The following ALX4 variants were observed in gnomAD, a reference collection of about 807,000 sequenced individuals.
ALX4 encodes ALX homeobox 4.
ALX4 carries 22 observed loss-of-function variants against 40.6 expected under a neutral mutation model. The observed-to-expected ratio is 0.54, with a 90% confidence interval of 0.39 to 0.77. The LOEUF (loss-of-function observed/expected upper bound fraction) is 0.77, where lower values mean the gene tolerates loss of function less well. Among genes scored for constraint, ALX4 ranks in the 30% least tolerant of loss-of-function variants. The pLI is 0.00. For missense variants in ALX4, 556 were observed against 564.8 expected, an observed-to-expected ratio of 0.98 and a Z score of 0.16; for synonymous variants, 266 against 240.5, an observed-to-expected ratio of 1.11 and a Z score of -0.98.
Position 44,309,772 on chromosome 11 carries a change from C to G in ALX4, c.291G>C (p.Pro97=). 6 of 1,545,902 alleles carry G rather than the reference C, an allele frequency of 3.9e-6. No individual in the cohort carries two copies. Among genetic ancestry groups the G allele is most frequent in the Non-Finnish European group, 4.4e-6 (5 of 1,144,480 alleles). Residue 97 remains proline (P), a synonymous_variant, in exon 1 of 4, where the codon CCG becomes CCC. Coordinates refer to ENST00000652299, the MANE Select transcript of ALX4 (RefSeq NM_021926.4). The stretch of plus-strand genomic sequence containing the variant: ...GCGGCTGCGGCGGCGGCTGGGGCTG[C>G]GGGGTCGACGGCTGGGGCTGGAACT... The part of the protein sequence containing the change: ...FNKFQPQPST[P]QPQPPPQPQP...
At chr11:44,287,572 G>A (rs534971253) in intron 1 of ALX4, among the ~76,000 whole-genome samples, 33 of 149,984 alleles carry the variant, frequency 2.2e-4, no homozygotes, top group African/African-American at 7.9e-4. Flanking sequence ...TCTAGCCTGG[G>A]TGACAGAGGC....
In ALX4 at chr11:44,264,691, C is replaced by G; in HGVS notation, c.*163G>C. ...GGGCCTGCTGCCCCCTCCCTCCCAG[C>G]AGTCCACGGGGCCTCAGACTTGGGG... On this transcript the variant is annotated 3_prime_UTR_variant, in exon 4 of 4. Transcript: ENST00000652299. 1.3e-6 allele frequency: 1 copy of G among 751,770 alleles called. No individual in the cohort carries two copies. The highest frequency in any genetic ancestry group is 2.1e-6 in the Non-Finnish European group (1 of 473,546). 46.6% of individuals were successfully genotyped at this position (751,770 alleles called of 1,614,324 possible). A position where few individuals can be genotyped will look rare whatever the true frequency, so the allele number is the denominator to read the frequency against.
chr11:44,281,521 A>G lies in ALX4; in HGVS notation c.467-5863T>C, dbSNP rs113996561. Among the ~76,000 whole-genome samples the G allele has an allele frequency of 5.4e-3, 827 of 151,916 alleles. 8 individuals are homozygous for G. The highest frequency in any genetic ancestry group is 0.019 in the African/African-American group (780 of 41,386). ...TCCAAACATCTGCTTTGTGGGGGAC[A>G]TGCCGCTTGCTCTGTTCTCGGGTGA... On this transcript the variant is annotated intron_variant, in intron 1 of 3. Coordinates refer to ENST00000652299, the MANE Select transcript of ALX4 (RefSeq NM_021926.4).
intron 1 of ALX4, 68 bp from the exon 2 acceptor site, chr11:44,275,726 G>GGA: frequency 6.7e-7 from 1 of 1,503,184 alleles, no homozygotes; most frequent in Non-Finnish European, 9.1e-7. Flanking sequence ...AATGTCAGGG[G>GGA]GAGAGTGGGG....
chr11:44,278,618 C>T (rs1157976207), intron 1 of ALX4, among the ~76,000 whole-genome samples: 1 of 152,192 alleles, frequency 6.6e-6, no homozygotes, highest in Admixed American at 6.5e-5. Context: ...CCACTGAGAC[C>T]AAGTGAGCAG....
chr11:44,295,329 C>A (rs1451681800), intron 1 of ALX4, among the ~76,000 whole-genome samples: 1 of 152,224 alleles, frequency 6.6e-6, no homozygotes, highest in African/African-American at 2.4e-5. Context: ...TGGGCTTCTC[C>A]AAACCAAAGG....
intron 2 of ALX4, among the ~76,000 whole-genome samples, chr11:44,268,348 AAC>A (rs747030023): frequency 7.9e-5 from 12 of 152,234 alleles, no homozygotes; most frequent in Non-Finnish European, 1.0e-4. Context: ...GAGAGAAAGA[AAC>A]AGAGTCAGAT....
At chr11:44,276,464 AC>A (rs1233154453) in intron 1 of ALX4, among the ~76,000 whole-genome samples, 1 of 151,816 alleles carries the variant, frequency 6.6e-6, no homozygotes, top group Non-Finnish European at 1.5e-5. Context: ...TGGCAGATGG[AC>A]CCCCCACCCA....
At chr11:44,286,766 C>T (rs1447431473) in intron 1 of ALX4, among the ~76,000 whole-genome samples, 1 of 152,164 alleles carries the variant, frequency 6.6e-6, no homozygotes, top group Admixed American at 6.5e-5. Flanking sequence ...TTCCAGTCTC[C>T]TCAGAATTCC....
chr11:44,284,918 TAC>T (rs60186797), intron 1 of ALX4, among the ~76,000 whole-genome samples: 3,891 of 150,738 alleles, frequency 0.026, 163 homozygotes, highest in African/African-American at 0.09. Flanking sequence ...CACATACACA[TAC>T]ACACACACAC....
intron 1 of ALX4, among the ~76,000 whole-genome samples, chr11:44,302,643 TGAGCCTGGTCACAAA>T (rs146953911): frequency 0.026 from 4,017 of 152,222 alleles, 179 homozygotes; most frequent in African/African-American, 0.092. Context: ...GGCCTCAGCT[TGAGCCTGGTCACAAA>T]GACACTTGCT....
At chr11:44,298,415 G>A (rs1043187782) in intron 1 of ALX4, among the ~76,000 whole-genome samples, 2 of 152,192 alleles carry the variant, frequency 1.3e-5, no homozygotes, top group African/African-American at 4.8e-5. Flanking sequence ...TGCATCCCTT[G>A]CAGGTGAGTC....
Position 44,309,594 on chromosome 11 carries a change from C to A in ALX4, c.466+3G>T. The A allele has an allele frequency of 6.3e-7, 1 of 1,580,208 alleles. No individual in the cohort carries two copies. Among genetic ancestry groups the A allele is most frequent in the Non-Finnish European group, 8.5e-7 (1 of 1,172,024 alleles). ...GCACCAGGTGACCCGCACGTGCACT[C>A]ACCGTAGCAGGGAACCTGCAAGGCC... On this transcript the variant is annotated splice_donor_region_variant and intron_variant, in intron 1 of 3. Coordinates refer to ENST00000652299, the MANE Select transcript of ALX4 (RefSeq NM_021926.4).
intron 1 of ALX4, among the ~76,000 whole-genome samples, chr11:44,286,182 C>T (rs1320294497): frequency 6.6e-6 from 1 of 152,194 alleles, no homozygotes; most frequent in African/African-American, 2.4e-5. Flanking sequence ...AAGAAGGGAC[C>T]TTTCAGGATG....
chr11:44,290,994 G>C (rs999340757), intron 1 of ALX4, among the ~76,000 whole-genome samples: 1 of 152,194 alleles, frequency 6.6e-6, no homozygotes, highest in South Asian at 2.1e-4. Flanking sequence ...TGCTCAGCCT[G>C]CAACTGTGTC....
chr11:44,273,130 G>A (rs991056985), intron 2 of ALX4, among the ~76,000 whole-genome samples: 5 of 151,742 alleles, frequency 3.3e-5, no homozygotes, highest in African/African-American at 1.2e-4. Flanking sequence ...GCAGGGTTGG[G>A]GCATCTCTGT....
intron 1 of ALX4, among the ~76,000 whole-genome samples, chr11:44,302,569 AG>A (rs778346699): frequency 3.9e-5 from 6 of 152,234 alleles, no homozygotes; most frequent in Non-Finnish European, 7.3e-5. Context: ...AGGTCCGCCC[AG>A]GGAAGGTGCT....
chr11:44,287,329 T>C (rs942343850), intron 1 of ALX4, among the ~76,000 whole-genome samples: 2 of 151,056 alleles, frequency 1.3e-5, no homozygotes, highest in African/African-American at 2.4e-5. Flanking sequence ...AACCAGGAAC[T>C]GGGCTTTGTA....
chr11:44,284,586 A>C (rs947830087), intron 1 of ALX4, among the ~76,000 whole-genome samples: 13 of 152,292 alleles, frequency 8.5e-5, no homozygotes, highest in African/African-American at 3.1e-4. Flanking sequence ...CTTATGTGGC[A>C]TTCAGGGTCC....
Sources: gnomAD v4.1 joint callset for allele counts (sites outside exome capture counted in the v4.1 genomes callset) on GRCh38, gnomAD v4.1.1 for gene constraint, MANE v1.5 for transcripts, NCBI Gene and HGNC (gene_info 2026-07-23, HGNC 2026-07-21) for gene names.